Variants in NAALADL2 observed in about 807,000 individuals in gnomAD.
NAALADL2 encodes inactive N-acetylated-alpha-linked acidic dipeptidase-like protein 2.
A neutral mutation model predicts 87.2 loss-of-function variants in NAALADL2; 76 were observed. That is an observed-to-expected ratio of 0.87 (90% CI 0.72 to 1.05). NAALADL2 has a LOEUF of 1.05. NAALADL2 is among the 50% of genes least tolerant of loss of function. NAALADL2 has a pLI of 0.00. For synonymous variants in NAALADL2, 354 were observed against 331.0 expected, an observed-to-expected ratio of 1.07 and a Z score of -0.75; for missense variants, 1,089 against 945.8, an observed-to-expected ratio of 1.15 and a Z score of -1.99.
intron 11 of NAALADL2, among the ~76,000 whole-genome samples, chr3:175,729,967 A>G (rs1324265219): frequency 1.3e-5 from 2 of 152,098 alleles, no homozygotes; most frequent in African/African-American, 4.8e-5. Flanking sequence ...GGTATAAACT[A>G]TGGTTACTTT....
At chr3:174,749,096 G>A (rs1004749011) in intron 3 of NAALADL2, among the ~76,000 whole-genome samples, 1 of 152,020 alleles carries the variant, frequency 6.6e-6, no homozygotes, top group African/African-American at 2.4e-5. Context: ...CTCCCTATAT[G>A]CTTTCACATC....
At chr3:174,859,174 T>A, upstream of NAALADL2, 1 of 452,558 alleles carries the variant, frequency 2.2e-6, no homozygotes, top group Non-Finnish European at 3.9e-6. Context: ...AAGCAATGTT[T>A]TGTGAAGTAC....
chr3:175,717,020 G>A (rs1741394100), intron 11 of NAALADL2, among the ~76,000 whole-genome samples: 1 of 152,132 alleles, frequency 6.6e-6, no homozygotes, highest in African/African-American at 2.4e-5. Flanking sequence ...TGCTACAGTT[G>A]TCCAGAAAAT....
chr3:175,320,155 G>C (rs908822377), intron 4 of NAALADL2, among the ~76,000 whole-genome samples: 2 of 151,824 alleles, frequency 1.3e-5, no homozygotes, highest in Non-Finnish European at 2.9e-5. Context: ...AAAACTAATA[G>C]AATTAGCAAA....
At chr3:175,220,546 CT>C (rs1441614077) in intron 2 of NAALADL2, among the ~76,000 whole-genome samples, 2 of 151,692 alleles carry the variant, frequency 1.3e-5, no homozygotes, top group African/African-American at 2.4e-5. Context: ...TTTATGATGC[CT>C]TGCTTTTTCT....
At chr3:175,026,011 A>G (rs937504009) in intron 1 of NAALADL2, among the ~76,000 whole-genome samples, 3 of 151,988 alleles carry the variant, frequency 2.0e-5, no homozygotes, top group Non-Finnish European at 1.5e-5. Flanking sequence ...GGGTCTCCCT[A>G]TGTTGCCTAG....
At chr3:174,839,540 C>T (rs559746060) in intron 3 of NAALADL2, among the ~76,000 whole-genome samples, 2 of 152,214 alleles carry the variant, frequency 1.3e-5, no homozygotes, top group South Asian at 4.1e-4. Context: ...AAAGAACAGT[C>T]AGCAGAGTAA....
intron 3 of NAALADL2, among the ~76,000 whole-genome samples, chr3:174,848,573 C>A (rs913007833): frequency 6.6e-5 from 10 of 152,166 alleles, no homozygotes; most frequent in African/African-American, 2.4e-4. Flanking sequence ...AGAGGACTCA[C>A]TGACTGTGAG....
chr3:175,645,116 A>AT lies in NAALADL2; in HGVS notation c.1896+17742dup, dbSNP rs575084906. ...TGAAATAAGACTCAGGCGAAGCTGTATTTTTTTTTTTTCAATACCTTTCAT... is the reference window on the plus strand; with the variant it reads ...TGAAATAAGACTCAGGCGAAGCTGTATTTTTTTTTTTTTCAATACCTTTCAT... On this transcript the variant is annotated intron_variant, in intron 11 of 13. Transcript: ENST00000454872. 3.5e-3 allele frequency among the ~76,000 whole-genome samples: 517 copies of AT among 146,368 alleles called. 2 individuals carry two copies. The highest frequency in any genetic ancestry group is 0.021 in the Middle Eastern group (6 of 280).
At chr3:174,441,894 A>G (rs1269320154) in intron 1 of NAALADL2, among the ~76,000 whole-genome samples, 4 of 152,064 alleles carry the variant, frequency 2.6e-5, no homozygotes, top group African/African-American at 9.7e-5. Flanking sequence ...AGGAGTGTAA[A>G]GGATTAATTA....
intron 2 of NAALADL2, among the ~76,000 whole-genome samples, chr3:174,588,486 G>T (rs1243634389): frequency 6.6e-6 from 1 of 152,126 alleles, no homozygotes; most frequent in African/African-American, 2.4e-5. Context: ...TTCTGCTCTG[G>T]TTTTTCCCCA....
intron 2 of NAALADL2, among the ~76,000 whole-genome samples, chr3:174,629,950 G>A (rs529689680): frequency 6.6e-6 from 1 of 152,106 alleles, no homozygotes; most frequent in Non-Finnish European, 1.5e-5. Flanking sequence ...GCGTAATGTT[G>A]TGCATAAAGA....
At chr3:175,620,522 T>A (rs1003976871) in intron 10 of NAALADL2, among the ~76,000 whole-genome samples, 1 of 152,158 alleles carries the variant, frequency 6.6e-6, no homozygotes, top group Non-Finnish European at 1.5e-5. Flanking sequence ...CATAGTCCAC[T>A]GCTTGGGAGC....
chr3:174,852,426 A>ACTAT lies in NAALADL2; in HGVS notation c.-9+114684_-9+114687dup, dbSNP rs1480908155. Reference sequence around the variant, plus strand: ...AGTGGCATTTCTATGTCAACAATAAACTATCTAAAAAGAAACCAAAAAAGT... The same window carrying ACTAT: ...AGTGGCATTTCTATGTCAACAATAAACTATCTATCTAAAAAGAAACCAAAAAAGT... On this transcript the variant is annotated intron_variant, in intron 3 of 3. Coordinates refer to the NAALADL2 transcript ENST00000434257. 2.0e-5 allele frequency among the ~76,000 whole-genome samples: 3 copies of ACTAT among 152,242 alleles called. No homozygotes were observed. In the East Asian group the frequency reaches 5.8e-4, roughly 29 times the overall value.
chr3:175,792,021 T>TA (rs570310197), intron 13 of NAALADL2, among the ~76,000 whole-genome samples: 435 of 151,118 alleles, frequency 2.9e-3, no homozygotes, highest in South Asian at 4.2e-3. Context: ...TACTTGCATT[T>TA]AAAAAAAAAT....
rs577608654 is a variant in NAALADL2, at chr3:175,674,428, G to A, written c.1896+47042G>A. Among the ~76,000 whole-genome samples, 33 of 148,898 alleles carry A rather than the reference G, an allele frequency of 2.2e-4. No homozygotes were observed. The East Asian group carries it at 6.5e-3, about 29-fold the overall frequency. ...ATGCACACCACCACCCCTGGCTAAT[G>A]TTTTTTTTTGCATTTTTAGTAGAGA... is the stretch of plus-strand genomic sequence containing the variant. On this transcript the variant is annotated intron_variant, in intron 11 of 13. Coordinates refer to ENST00000454872, the MANE Select transcript of NAALADL2 (RefSeq NM_207015.3).
intron 4 of NAALADL2, among the ~76,000 whole-genome samples, chr3:175,286,142 A>G (rs937169168): frequency 2.0e-5 from 3 of 152,334 alleles, no homozygotes; most frequent in Non-Finnish European, 2.9e-5. Flanking sequence ...TAATTTTATT[A>G]TGCACATTTT....
intron 4 of NAALADL2, among the ~76,000 whole-genome samples, chr3:175,274,655 A>T (rs138354495): frequency 3.2e-4 from 49 of 152,220 alleles, no homozygotes; most frequent in African/African-American, 1.2e-3. Context: ...ATCATTGCTC[A>T]ACCTATGACC....
chr3:175,487,400 G>A, intron 9 of NAALADL2: 1 of 406,658 alleles, frequency 2.5e-6, no homozygotes, highest in African/African-American at 2.1e-5. Context: ...ATGTATTCCT[G>A]AAACCTAAAT....
Sources: gnomAD v4.1 joint callset for allele counts (sites outside exome capture counted in the v4.1 genomes callset) on GRCh38, gnomAD v4.1.1 for gene constraint, MANE v1.5 for transcripts, NCBI Gene and HGNC (gene_info 2026-07-23, HGNC 2026-07-21) for gene names.